PARD3B: variants seen among roughly 807,000 people sequenced by gnomAD.
PARD3B encodes the protein par-3 family cell polarity regulator beta, also known as partitioning defective 3 homolog B.
A neutral mutation model predicts 130.2 loss-of-function variants in PARD3B; 103 were observed. The ratio of observed to expected loss-of-function variants is 0.79; its 90% CI spans 0.67 to 0.93. The LOEUF (loss-of-function observed/expected upper bound fraction) is 0.93. Ranked by LOEUF, PARD3B falls within the 40% of genes least tolerant of loss-of-function variation. The pLI is 0.00. For synonymous variants in PARD3B, 583 were observed against 553.2 expected, an observed-to-expected ratio of 1.05 and a Z score of -0.76; for missense variants, 1,609 against 1,499.2, an observed-to-expected ratio of 1.07 and a Z score of -1.21.
intron 15 of PARD3B, among the ~76,000 whole-genome samples, chr2:205,240,272 C>T (rs556903604): frequency 6.6e-6 from 1 of 152,198 alleles, no homozygotes; most frequent in South Asian, 2.1e-4. Context: ...TCTGAAGGAA[C>T]AACTCTTGAA....
chr2:205,034,108 G>C lies in PARD3B; in HGVS notation c.395-13473G>C, dbSNP rs188642820. Among the ~76,000 whole-genome samples the C allele has an allele frequency of 5.9e-5, 9 of 152,246 alleles. No individual in the cohort carries two copies. In the East Asian group the frequency reaches 1.7e-3, roughly 29 times the overall value. Reference sequence around the variant, plus strand: ...AGCAACTTATTTACATACTAGACGAGATACCCTTTTCATGACCTCCAAAGT... The same window carrying C: ...AGCAACTTATTTACATACTAGACGACATACCCTTTTCATGACCTCCAAAGT... On this transcript the variant is annotated intron_variant, in intron 3 of 22. Coordinates refer to ENST00000406610, the MANE Select transcript of PARD3B (RefSeq NM_001302769.2).
At chr2:205,127,296 CAA>C (rs34822432) in intron 10 of PARD3B, among the ~76,000 whole-genome samples, 11 of 100,628 alleles carry the variant, frequency 1.1e-4, no homozygotes, top group Non-Finnish European at 1.4e-4. Flanking sequence ...GACTCTGTCT[CAA>C]AAAAAAAAAA....
In PARD3B at chr2:205,500,541, A is replaced by G. The variant is rs75794062; in HGVS notation, c.3180+510A>G. On this transcript the variant is annotated intron_variant, in intron 21 of 22. Transcript: ENST00000406610. ...TGTATTAGAGGATTCTTTTTGCTCA[A>G]TCCTTTGACATTCAGGGAACAGAAA... Among the ~76,000 whole-genome samples the G allele has an allele frequency of 5.8e-3, 885 of 152,232 alleles. 4 individuals are homozygous for G. Among genetic ancestry groups the G allele is most frequent in the African/African-American group, 0.02 (834 of 41,552 alleles).
intron 22 of PARD3B, among the ~76,000 whole-genome samples, chr2:205,565,123 C>T (rs1226566148): frequency 6.6e-6 from 1 of 152,134 alleles, no homozygotes; most frequent in Non-Finnish European, 1.5e-5. Flanking sequence ...GACTTCTGCC[C>T]ACTAACTGCT....
At chr2:204,858,774 AC>A (rs1237951323) in intron 2 of PARD3B, among the ~76,000 whole-genome samples, 1 of 148,302 alleles carries the variant, frequency 6.7e-6, no homozygotes, top group African/African-American at 2.4e-5. Context: ...TATTATATAT[AC>A]ATATATAATA....
chr2:204,761,567 A>T (rs778407416), intron 2 of PARD3B, among the ~76,000 whole-genome samples: 15 of 150,428 alleles, frequency 1.0e-4, no homozygotes, highest in Admixed American at 2.0e-4. Flanking sequence ...TTTTTTAAAT[A>T]AGGGGAGCTT....
At chr2:204,814,961 T>C (rs979839115) in intron 2 of PARD3B, among the ~76,000 whole-genome samples, 58 of 151,898 alleles carry the variant, frequency 3.8e-4, no homozygotes, top group Admixed American at 3.8e-3. Context: ...CTATGTATTA[T>C]TGGATTTGAC....
At chr2:204,644,476 A>G (rs948942538) in intron 1 of PARD3B, among the ~76,000 whole-genome samples, 1 of 152,150 alleles carries the variant, frequency 6.6e-6, no homozygotes, top group African/African-American at 2.4e-5. Flanking sequence ...TTTTATTAAC[A>G]TATTATTACT....
intron 1 of PARD3B, among the ~76,000 whole-genome samples, chr2:204,572,139 A>G (rs983560859): frequency 1.3e-5 from 2 of 152,232 alleles, no homozygotes; most frequent in Non-Finnish European, 2.9e-5. Context: ...GGTCAGTTAC[A>G]TAGAGAACAA....
intron 16 of PARD3B, among the ~76,000 whole-genome samples, chr2:205,283,223 G>C (rs1378852156): frequency 6.6e-6 from 1 of 152,192 alleles, no homozygotes; most frequent in Non-Finnish European, 1.5e-5. Context: ...CAGAGTGTGA[G>C]AATCCTTACA....
intron 1 of PARD3B, among the ~76,000 whole-genome samples, chr2:204,580,487 C>G (rs2032497964): frequency 6.6e-6 from 1 of 152,154 alleles, no homozygotes; most frequent in South Asian, 2.1e-4. Flanking sequence ...TCATCTGACC[C>G]TAGCCGATCC....
Position 205,440,014 on chromosome 2 carries a change from A to G in PARD3B, c.2742-356A>G, listed in dbSNP as rs1237112369. Among the ~76,000 whole-genome samples the G allele has an allele frequency of 5.3e-5, 8 of 152,180 alleles. No homozygotes were observed. Among genetic ancestry groups the G allele is most frequent in the Admixed American group, 5.2e-4 (8 of 15,278 alleles). On this transcript the variant is annotated intron_variant, in intron 19 of 22. Transcript: ENST00000406610. The surrounding 1 kb of genome is among the most constrained non-coding windows in gnomAD (Gnocchi z 4.2). ...TTAACATGCATCCCTGTCCCAAGAAAGGCTTCTATAATATCGAACCAAAGA... is the reference window on the plus strand; with the variant it reads ...TTAACATGCATCCCTGTCCCAAGAAGGGCTTCTATAATATCGAACCAAAGA...
chr2:205,354,320 C>A (rs1264646684), intron 18 of PARD3B, among the ~76,000 whole-genome samples: 5 of 151,852 alleles, frequency 3.3e-5, no homozygotes, highest in Non-Finnish European at 5.9e-5. Context: ...TGGAGCAGGA[C>A]GAGCTGCAGA....
At chr2:204,615,613 ATGAGCACTGTCAGT>A (rs1462627504) in intron 1 of PARD3B, among the ~76,000 whole-genome samples, 1 of 152,140 alleles carries the variant, frequency 6.6e-6, no homozygotes, top group Admixed American at 6.6e-5. Flanking sequence ...TACGTTGGCA[ATGAGCACTGTCAGT>A]TGTTATCCTT....
intron 1 of PARD3B, among the ~76,000 whole-genome samples, chr2:204,553,728 C>A (rs2030711672): frequency 7.2e-6 from 1 of 138,838 alleles, no homozygotes; most frequent in South Asian, 2.3e-4. Flanking sequence ...ACACCTCAGC[C>A]ATTAAAAGAG....
At chr2:204,693,760 C>T (rs1393736329) in intron 2 of PARD3B, among the ~76,000 whole-genome samples, 5 of 152,024 alleles carry the variant, frequency 3.3e-5, no homozygotes, top group Admixed American at 3.3e-4. Context: ...TATTATGTAT[C>T]ATGGACTTTC....
At chr2:204,638,234 A>C (rs2034953968) in intron 1 of PARD3B, among the ~76,000 whole-genome samples, 1 of 152,186 alleles carries the variant, frequency 6.6e-6, no homozygotes, top group South Asian at 2.1e-4. Context: ...GAACCTACTG[A>C]GTATTAGCCA....
chr2:205,347,896 T>A (rs2043850621), intron 18 of PARD3B: 1 of 148,400 alleles, frequency 6.7e-6, no homozygotes, highest in South Asian at 2.3e-4. Flanking sequence ...AGCTGAGAAA[T>A]AGGAGTGCAA....
chr2:205,505,466 CT>C (rs1264721375), intron 21 of PARD3B, among the ~76,000 whole-genome samples: 1 of 152,172 alleles, frequency 6.6e-6, no homozygotes, highest in Non-Finnish European at 1.5e-5. Flanking sequence ...ACCTTAAAAT[CT>C]TTTCAGCTGT....
Sources: allele counts gnomAD v4.1 joint callset (sites outside exome capture counted in the v4.1 genomes callset), GRCh38; gene constraint gnomAD v4.1.1; non-coding constraint Gnocchi (gnomAD v3.1); transcripts MANE v1.5; gene names NCBI Gene and HGNC (gene_info 2026-07-23, HGNC 2026-07-21).